STK3: variants seen among roughly 807,000 people sequenced by gnomAD.
The protein encoded by STK3 is serine/threonine-protein kinase 3.
Under a neutral mutation model 58.0 loss-of-function variants are expected in STK3, and 41 were observed. The ratio of observed to expected loss-of-function variants is 0.71; its 90% CI spans 0.55 to 0.92. The LOEUF (loss-of-function observed/expected upper bound fraction) is 0.92, where lower values mean the gene tolerates loss of function less well. Among genes scored for constraint, STK3 ranks in the 40% least tolerant of loss-of-function variants. The pLI is 0.00. For missense variants in STK3, 479 were observed against 602.7 expected, an observed-to-expected ratio of 0.79 and a Z score of 2.15; for synonymous variants, 170 against 191.0, an observed-to-expected ratio of 0.89 and a Z score of 0.91.
chr8:98,803,888 C>T (rs1361533858), intron 1 of STK3, among the ~76,000 whole-genome samples: 1 of 152,092 alleles, frequency 6.6e-6, no homozygotes, highest in African/African-American at 2.4e-5. Flanking sequence ...AACCAAGAGG[C>T]TCCCAATCTA....
rs548630867 is a variant in STK3 at position 98,373,351 on chromosome 8, G to A, written n.112-1673C>T. 2.0e-4 allele frequency among the ~76,000 whole-genome samples: 31 copies of A among 152,150 alleles called. 1 individual carries two copies. Among genetic ancestry groups the A allele is most frequent in the Admixed American group, 1.6e-3 (25 of 15,292 alleles). The stretch of plus-strand genomic sequence containing the variant: ...CATGTAAAGTGCATTTCCTCCCACC[G>A]TGGGCAGAGTGTGCTTTCTACATGA... On this transcript the variant is annotated intron_variant and non_coding_transcript_variant, in intron 2 of 2. Coordinates refer to the STK3 transcript ENST00000518704.
intron 4 of STK3, among the ~76,000 whole-genome samples, chr8:98,746,411 A>G (rs1235811096): frequency 6.6e-6 from 1 of 152,148 alleles, no homozygotes; most frequent in Non-Finnish European, 1.5e-5. Context: ...ATGTTCTAGG[A>G]TATGAGCCTA....
intron 3 of STK3, among the ~76,000 whole-genome samples, chr8:98,856,572 G>A (rs377259856): frequency 3.3e-5 from 5 of 152,204 alleles, no homozygotes; most frequent in Admixed American, 6.5e-5. Context: ...TAGCGAAGAC[G>A]TGGAAAAATT....
chr8:98,695,115 T>G (rs879515994), intron 6 of STK3, among the ~76,000 whole-genome samples: 21 of 152,236 alleles, frequency 1.4e-4, no homozygotes, highest in Non-Finnish European at 2.8e-4. Context: ...TGGTGAGCAT[T>G]TTTTCATGTG....
At chr8:98,808,448 G>A (rs1834017261) in intron 1 of STK3, among the ~76,000 whole-genome samples, 1 of 152,208 alleles carries the variant, frequency 6.6e-6, no homozygotes, top group Admixed American at 6.5e-5. Context: ...TGGACAGGTT[G>A]TAACTTCTGC....
At position 98,760,712 on chromosome 8, in the gene STK3, CT is replaced by C. The variant is rs1213559956; in HGVS notation, c.236+6530del. 7.4e-3 allele frequency among the ~76,000 whole-genome samples: 1,017 copies of C among 137,248 alleles called. 8 individuals carry two copies. The highest frequency in any genetic ancestry group is 0.024 in the African/African-American group (953 of 39,004). 90.0% of individuals were successfully genotyped at this position (137,248 alleles called of 152,430 possible). On this transcript the variant is annotated intron_variant, in intron 3 of 10. Coordinates refer to ENST00000419617, the MANE Select transcript of STK3 (RefSeq NM_006281.4). ...AAATGACGTATCTTGTTCTCGTTTT[CT>C]TTTTTTTGAGGGGGTGGGGGGCTTC...
chr8:98,495,938 C>A (rs1240624627), intron 10 of STK3, among the ~76,000 whole-genome samples: 2 of 152,130 alleles, frequency 1.3e-5, no homozygotes, highest in Non-Finnish European at 2.9e-5. Context: ...TGGTCCAGAA[C>A]TTTGTAAAAA....
chr8:98,493,067 A>T (rs1350605162), intron 10 of STK3, among the ~76,000 whole-genome samples: 1 of 139,314 alleles, frequency 7.2e-6, no homozygotes, highest in Non-Finnish European at 1.6e-5. Flanking sequence ...CCAACTCTAC[A>T]TTTTTTTTTT....
chr8:98,550,474 C>A (rs1009147171), intron 8 of STK3, among the ~76,000 whole-genome samples: 2 of 152,098 alleles, frequency 1.3e-5, no homozygotes, highest in Non-Finnish European at 2.9e-5. Context: ...TGTCTCCATC[C>A]CCAACAACCA....
At chr8:98,916,003 G>C (rs758899434) in intron 1 of STK3, among the ~76,000 whole-genome samples, 1 of 152,144 alleles carries the variant, frequency 6.6e-6, no homozygotes, top group Non-Finnish European at 1.5e-5. Context: ...GATGCTACAA[G>C]AAGCCTTTAT....
At chr8:98,716,064 C>A (rs1206439949) in intron 4 of STK3, among the ~76,000 whole-genome samples, 1 of 152,032 alleles carries the variant, frequency 6.6e-6, no homozygotes, top group Non-Finnish European at 1.5e-5. Flanking sequence ...TGTTCTCACT[C>A]ATAGGTGGAA....
chr8:98,832,802 C>T (rs1835588193), intron 3 of STK3, among the ~76,000 whole-genome samples: 1 of 152,162 alleles, frequency 6.6e-6, no homozygotes, highest in South Asian at 2.1e-4. Flanking sequence ...TATCTCCCTC[C>T]CCTCAGAGGA....
At chr8:98,572,781 G>GA (rs2131692256) in intron 8 of STK3, among the ~76,000 whole-genome samples, 1 of 152,246 alleles carries the variant, frequency 6.6e-6, no homozygotes, top group East Asian at 1.9e-4. Flanking sequence ...GCTACTGCCT[G>GA]AAAAAATAAT....
intron 6 of STK3, among the ~76,000 whole-genome samples, chr8:98,616,615 A>G (rs1187432198): frequency 6.9e-6 from 1 of 145,858 alleles, no homozygotes; most frequent in Non-Finnish European, 1.5e-5. Flanking sequence ...GGATGGAGGA[A>G]GATCTACCAA....
At chr8:98,905,135 T>C in intron 1 of STK3, 6 of 1,445,948 alleles carry the variant, frequency 4.1e-6, no homozygotes, top group Non-Finnish European at 5.8e-6. Context: ...TACGATCTAC[T>C]GGGCACTCTT....
At chr8:98,886,200 C>CAA (rs1470439119) in intron 1 of STK3, among the ~76,000 whole-genome samples, 7 of 152,136 alleles carry the variant, frequency 4.6e-5, no homozygotes, top group African/African-American at 1.4e-4. Context: ...CACACACACA[C>CAA]AACTACATCT....
intron 1 of STK3, among the ~76,000 whole-genome samples, chr8:98,803,464 G>T (rs1171268844): frequency 2.0e-5 from 3 of 151,698 alleles, no homozygotes; most frequent in Non-Finnish European, 4.4e-5. Context: ...CATGGTAGGG[G>T]ACGCCTGTAG....
At chr8:98,649,729 C>T (rs1820724341) in intron 6 of STK3, among the ~76,000 whole-genome samples, 1 of 152,112 alleles carries the variant, frequency 6.6e-6, no homozygotes, top group Non-Finnish European at 1.5e-5. Flanking sequence ...TTACCCAATT[C>T]CAATGTAAAC....
intron 6 of STK3, among the ~76,000 whole-genome samples, chr8:98,662,938 C>T (rs1000539644): frequency 6.6e-6 from 1 of 152,010 alleles, no homozygotes; most frequent in African/African-American, 2.4e-5. Flanking sequence ...AGAAGAAAAC[C>T]TAGGCAATAC....
Sources: allele counts gnomAD v4.1 joint callset (sites outside exome capture counted in the v4.1 genomes callset), GRCh38; gene constraint gnomAD v4.1.1; transcripts MANE v1.5; gene names NCBI Gene and HGNC (gene_info 2026-07-23, HGNC 2026-07-21).